PRRX1: variants seen among roughly 807,000 people sequenced by gnomAD.
The protein encoded by PRRX1 is paired related homeobox 1, also known as paired mesoderm homeobox protein 1.
Under a neutral mutation model 24.0 loss-of-function variants are expected in PRRX1, and 8 were observed. The ratio of observed to expected loss-of-function variants is 0.33; its 90% CI spans 0.20 to 0.60. The LOEUF (loss-of-function observed/expected upper bound fraction) is 0.60. Among genes scored for constraint, PRRX1 ranks in the 20% least tolerant of loss-of-function variants. The pLI is 0.82. For missense variants in PRRX1, 281 were observed against 322.4 expected (o/e 0.87, Z 0.98); for synonymous variants, 160 against 131.7 (o/e 1.22, Z -1.47).
intron 3 of PRRX1, chr1:170,729,008 G>T (rs1655344676): frequency 6.6e-6 from 1 of 152,192 alleles, no homozygotes; most frequent in Non-Finnish European, 1.5e-5. Flanking sequence ...ATTTCTCTTG[G>T]TTAATTCTTG....
intron 1 of PRRX1, among the ~76,000 whole-genome samples, chr1:170,718,625 C>A (rs1654979199): frequency 6.6e-6 from 1 of 152,122 alleles, no homozygotes; most frequent in African/African-American, 2.4e-5. Context: ...TGGGGAAAAG[C>A]TATGGGGAAT....
intron 1 of PRRX1, among the ~76,000 whole-genome samples, chr1:170,715,018 A>G (rs984015837): frequency 1.3e-5 from 2 of 152,120 alleles, no homozygotes; most frequent in Non-Finnish European, 2.9e-5. Context: ...TAATTCATGT[A>G]TCCTGCAGCC....
At chr1:170,670,143 T>C (rs1360640827) in intron 1 of PRRX1, among the ~76,000 whole-genome samples, 6 of 152,244 alleles carry the variant, frequency 3.9e-5, no homozygotes, top group African/African-American at 7.2e-5. Flanking sequence ...CCTGTGAGTG[T>C]ACACCGTTGT....
chr1:170,664,469 G>A lies in PRRX1; in HGVS notation c.241+10G>A. On this transcript the variant is annotated intron_variant, in intron 1 of 3. Coordinates refer to ENST00000239461, the MANE Select transcript of PRRX1 (RefSeq NM_022716.4). ...ACCCCGCAGCAGGACAGTGAGTGAG[G>A]GGCGCATGCCCACGGGGGTGTGTGC... 1 of 1,593,636 alleles carries A rather than the reference G, an allele frequency of 6.3e-7. No individual in the cohort carries two copies. The highest frequency in any genetic ancestry group is 8.5e-7 in the Non-Finnish European group (1 of 1,170,996).
At chr1:170,706,531 C>T (rs10753818) in intron 1 of PRRX1, among the ~76,000 whole-genome samples, 151,400 of 152,350 alleles carry the variant, frequency 0.99, 75,232 homozygotes, top group Middle Eastern at 1. Flanking sequence ...GAACTCATGT[C>T]GTCTGGCTTC....
chr1:170,730,344 A>T, intron 3 of PRRX1: 1 of 1,607,874 alleles, frequency 6.2e-7, no homozygotes, highest in Non-Finnish European at 8.5e-7. Context: ...GAAGACACTG[A>T]AAAGGTAACT....
chr1:170,677,332 A>T (rs1653357871), intron 1 of PRRX1, among the ~76,000 whole-genome samples: 1 of 152,254 alleles, frequency 6.6e-6, no homozygotes, highest in African/African-American at 2.4e-5. Context: ...TGATGTAAGC[A>T]AAATGCCTAG....
chr1:170,714,640 G>A (rs1169817460), intron 1 of PRRX1, among the ~76,000 whole-genome samples: 1 of 152,228 alleles, frequency 6.6e-6, no homozygotes, highest in Non-Finnish European at 1.5e-5. Context: ...ATGCAGAGCA[G>A]AAGAGGGTGA....
intron 1 of PRRX1, among the ~76,000 whole-genome samples, chr1:170,711,627 C>A (rs535242355): frequency 6.6e-6 from 1 of 152,118 alleles, no homozygotes; most frequent in Non-Finnish European, 1.5e-5. Flanking sequence ...ACATATGATG[C>A]TTGCCTCTCA....
chr1:170,735,576 T>C (rs1294117103), intron 3 of PRRX1, among the ~76,000 whole-genome samples: 1 of 152,190 alleles, frequency 6.6e-6, no homozygotes, highest in Non-Finnish European at 1.5e-5. Flanking sequence ...CTAAAATGTG[T>C]TAGAATTAAG....
In PRRX1 at chr1:170,736,356, T is replaced by C. The variant is rs375871578; in HGVS notation, c.*170T>C. 5 of 856,306 alleles carry C rather than the reference T, an allele frequency of 5.8e-6. No homozygotes were observed. The highest frequency in any genetic ancestry group is 5.3e-5 in the Admixed American group (2 of 37,468). The allele number at this position is 856,306 out of a possible 1,614,324, so 53.0% of individuals were successfully genotyped here. A position where few individuals can be genotyped will look rare whatever the true frequency, so the allele number is the denominator to read the frequency against. The stretch of plus-strand genomic sequence containing the variant: ...AGAGAAAAGCAGGAGAGGAGCAAAA[T>C]GAAAATTAGTTAACAAATGTTCCTC... On this transcript the variant is annotated 3_prime_UTR_variant, in exon 4 of 4. Transcript: ENST00000239461.
chr1:170,736,156 ACAGAGGAAC>A lies in PRRX1; in HGVS notation c.712_720del (p.Arg238_Gln240del). 1.2e-6 allele frequency: 2 copies of A among 1,614,220 alleles called. No homozygotes were observed. The highest frequency in any genetic ancestry group is 1.3e-5 in the African/African-American group (1 of 75,048). ...GACTGAAGGCCAAGGAATATAGTTT[ACAGAGGAAC>A]CAGGTGCCAACAGTCAACTGAGGAA... On this transcript the variant is annotated inframe_deletion, in exon 4 of 4. Coordinates refer to ENST00000239461, the MANE Select transcript of PRRX1 (RefSeq NM_022716.4).
At position 170,736,326 on chromosome 1, in the gene PRRX1, A is replaced by G. The variant is rs1025458306; in HGVS notation, c.*140A>G. 10 of 1,227,810 alleles carry G rather than the reference A, an allele frequency of 8.1e-6. No individual in the cohort carries two copies. In the African/African-American group the frequency reaches 1.4e-4, roughly 17 times the overall value. 76.1% of individuals were successfully genotyped at this position (1,227,810 alleles called of 1,614,324 possible). A position where few individuals can be genotyped will look rare whatever the true frequency, so the allele number is the denominator to read the frequency against. ...AAAGCAGAACTAAAATATTGGGACC[A>G]TGGCAGAGAAAAGCAGGAGAGGAGC... On this transcript the variant is annotated 3_prime_UTR_variant, in exon 4 of 4. Coordinates refer to ENST00000239461, the MANE Select transcript of PRRX1 (RefSeq NM_022716.4).
intron 1 of PRRX1, among the ~76,000 whole-genome samples, chr1:170,703,021 T>C (rs1457598524): frequency 6.6e-6 from 1 of 152,206 alleles, no homozygotes; most frequent in Non-Finnish European, 1.5e-5. Flanking sequence ...CCAAATCAAA[T>C]GCTCAGAGGC....
chr1:170,734,606 A>G (rs1482062737), intron 3 of PRRX1, among the ~76,000 whole-genome samples: 2 of 152,148 alleles, frequency 1.3e-5, no homozygotes, highest in East Asian at 3.9e-4. Context: ...AGAAGAAGGT[A>G]GGATCCTTTT....
At chr1:170,692,330 A>T (rs1248929467) in intron 1 of PRRX1, among the ~76,000 whole-genome samples, 3 of 152,096 alleles carry the variant, frequency 2.0e-5, no homozygotes, top group Non-Finnish European at 2.9e-5. Context: ...TAAATTCTTA[A>T]TTTGAAGGGT....
At chr1:170,690,342 G>T (rs1253954153) in intron 1 of PRRX1, among the ~76,000 whole-genome samples, 1 of 152,094 alleles carries the variant, frequency 6.6e-6, no homozygotes, top group African/African-American at 2.4e-5. Flanking sequence ...GGATGAACTT[G>T]TCAGCTCAGT....
chr1:170,704,782 A>G (rs564350945), intron 1 of PRRX1, among the ~76,000 whole-genome samples: 1 of 152,290 alleles, frequency 6.6e-6, no homozygotes, highest in African/African-American at 2.4e-5. Context: ...CAAATCTTCA[A>G]TATTAGTCTT....
chr1:170,736,383 T>C lies in PRRX1; in HGVS notation c.*197T>C. 1 of 681,352 alleles carries C rather than the reference T, an allele frequency of 1.5e-6. No homozygotes were observed. Among genetic ancestry groups the C allele is most frequent in the East Asian group, 2.8e-5 (1 of 36,142 alleles). The allele number at this position is 681,352 out of a possible 1,614,324, so 42.2% of individuals were successfully genotyped here. ...AAAATTAGTTAACAAATGTTCCTCC[T>C]CCCTCTGGGATACCACCACCACTTG... is the stretch of plus-strand genomic sequence containing the variant. On this transcript the variant is annotated 3_prime_UTR_variant, in exon 4 of 4. Transcript: ENST00000239461.
Sources: gnomAD v4.1 joint callset for allele counts (sites outside exome capture counted in the v4.1 genomes callset) on GRCh38, gnomAD v4.1.1 for gene constraint, MANE v1.5 for transcripts, NCBI Gene and HGNC (gene_info 2026-07-23, HGNC 2026-07-21) for gene names.